Variants in SNTG1 observed in about 807,000 individuals in gnomAD.
The protein encoded by SNTG1 is gamma-1-syntrophin.
Under a neutral mutation model 74.7 loss-of-function variants are expected in SNTG1, and 39 were observed. The observed-to-expected ratio is 0.52, with a 90% CI of 0.40 to 0.68. The LOEUF (loss-of-function observed/expected upper bound fraction) is 0.68, where lower values mean the gene tolerates loss of function less well. Ranked by LOEUF, SNTG1 falls within the 30% of genes least tolerant of loss-of-function variation. SNTG1 has a pLI of 0.00. For synonymous variants in SNTG1, 254 were observed against 217.1 expected (o/e 1.17, Z -1.49); for missense variants, 685 against 609.5 (o/e 1.12, Z -1.30).
At chr8:50,243,168 CCTG>C (rs1298692979) in intron 2 of SNTG1, among the ~76,000 whole-genome samples, 3 of 26,024 alleles carry the variant, frequency 1.2e-4, no homozygotes, top group Non-Finnish European at 1.1e-3. Context: ...ATAAATGAGT[CCTG>C]AATTATCTTA....
At chr8:50,634,800 C>T (rs1324859482) in intron 13 of SNTG1, among the ~76,000 whole-genome samples, 1 of 152,166 alleles carries the variant, frequency 6.6e-6, no homozygotes, top group Non-Finnish European at 1.5e-5. Flanking sequence ...GCAGCCCCAC[C>T]CTAATACCTT....
At chr8:50,597,382 CATATATACATATATACAT>C (rs2094737217) in intron 13 of SNTG1, among the ~76,000 whole-genome samples, 1 of 92,696 alleles carries the variant, frequency 1.1e-5, no homozygotes, top group Non-Finnish European at 1.8e-5. Context: ...TATATATACA[CATATATACATATATACAT>C]ATATACATAT....
intron 1 of SNTG1, among the ~76,000 whole-genome samples, chr8:50,109,764 C>G (rs75809159): frequency 1.1e-3 from 170 of 152,190 alleles, no homozygotes; most frequent in African/African-American, 4.0e-3. Flanking sequence ...AAATTGAGAA[C>G]AGAGAGTTTA....
chr8:50,366,779 A>G (rs1210097110), intron 2 of SNTG1, among the ~76,000 whole-genome samples: 3 of 146,326 alleles, frequency 2.1e-5, no homozygotes, highest in Non-Finnish European at 4.5e-5. Context: ...TTAAGAACCA[A>G]TATGGAAGAT....
chr8:50,149,717 T>C (rs912276047), intron 1 of SNTG1, among the ~76,000 whole-genome samples: 4 of 152,234 alleles, frequency 2.6e-5, no homozygotes, highest in Admixed American at 6.5e-5. Flanking sequence ...TGTGGCATTA[T>C]TTCTGAGGGC....
chr8:50,786,818 A>G (rs1022411661), intron 18 of SNTG1, among the ~76,000 whole-genome samples: 2 of 152,044 alleles, frequency 1.3e-5, no homozygotes, highest in African/African-American at 4.8e-5. Flanking sequence ...TCCTTTCCTC[A>G]TACCATAAAA....
intron 1 of SNTG1, among the ~76,000 whole-genome samples, chr8:50,091,948 T>C (rs2079754743): frequency 6.6e-6 from 1 of 152,002 alleles, no homozygotes; most frequent in Non-Finnish European, 1.5e-5. Context: ...AATGACAAAA[T>C]ATAAAATCTG....
chr8:50,181,336 G>T (rs2083198370), intron 2 of SNTG1, among the ~76,000 whole-genome samples: 1 of 152,088 alleles, frequency 6.6e-6, no homozygotes, highest in African/African-American at 2.4e-5. Context: ...TTTCCTAATG[G>T]AGTTTATCAT....
chr8:49,915,555 A>T (rs1805953767), intron 1 of SNTG1, among the ~76,000 whole-genome samples: 1 of 152,210 alleles, frequency 6.6e-6, no homozygotes, highest in African/African-American at 2.4e-5. Flanking sequence ...CTGACACCAC[A>T]TTCTATATCA....
At chr8:50,001,257 T>C (rs1814711656) in intron 1 of SNTG1, among the ~76,000 whole-genome samples, 1 of 152,096 alleles carries the variant, frequency 6.6e-6, no homozygotes, top group Non-Finnish European at 1.5e-5. Context: ...CTTATTGAAG[T>C]TGGATTCCCA....
intron 2 of SNTG1, among the ~76,000 whole-genome samples, chr8:50,304,023 T>G (rs759987154): frequency 6.6e-6 from 1 of 152,192 alleles, no homozygotes; most frequent in Non-Finnish European, 1.5e-5. Flanking sequence ...TCTGTGCTAT[T>G]GTTTCAATGT....
At chr8:50,669,698 A>G (rs2095269479) in intron 15 of SNTG1, among the ~76,000 whole-genome samples, 1 of 152,212 alleles carries the variant, frequency 6.6e-6, no homozygotes, top group Non-Finnish European at 1.5e-5. Flanking sequence ...TTATGAGGCC[A>G]GCATCATCCT....
intron 15 of SNTG1, among the ~76,000 whole-genome samples, chr8:50,672,209 AT>A (rs1406758184): frequency 2.6e-5 from 4 of 151,986 alleles, no homozygotes; most frequent in Admixed American, 1.3e-4. Context: ...ATAAAAAAAA[AT>A]GTCTGGATCA....
chr8:50,754,150 G>A (rs777352398), intron 18 of SNTG1, among the ~76,000 whole-genome samples: 45 of 151,924 alleles, frequency 3.0e-4, no homozygotes, highest in Non-Finnish European at 5.6e-4. Context: ...CAAAACAATC[G>A]TAGTGTAGAT....
intron 2 of SNTG1, among the ~76,000 whole-genome samples, chr8:50,206,366 G>C (rs2084237796): frequency 6.6e-6 from 1 of 152,100 alleles, no homozygotes; most frequent in South Asian, 2.1e-4. Flanking sequence ...TTGGCTCTCT[G>C]TTTGTCTGTT....
At chr8:50,074,742 G>C (rs759055324) in intron 1 of SNTG1, among the ~76,000 whole-genome samples, 2 of 152,180 alleles carry the variant, frequency 1.3e-5, no homozygotes, top group African/African-American at 2.4e-5. Context: ...CCTTGGCCTA[G>C]GTGCCCACTC....
At chr8:49,920,352 T>TC (rs1215990543) in intron 1 of SNTG1, among the ~76,000 whole-genome samples, 1 of 152,050 alleles carries the variant, frequency 6.6e-6, no homozygotes, top group East Asian at 1.9e-4. Context: ...GCTGACTTTT[T>TC]CATTCCTGTT....
At chr8:50,273,826 A>T (rs1175351609) in intron 2 of SNTG1, among the ~76,000 whole-genome samples, 3 of 152,070 alleles carry the variant, frequency 2.0e-5, no homozygotes, top group Admixed American at 6.6e-5. Flanking sequence ...AAAGAGGGAG[A>T]AGAGTGATGA....
chr8:50,041,619 C>G (rs1416978788), intron 1 of SNTG1, among the ~76,000 whole-genome samples: 1 of 152,056 alleles, frequency 6.6e-6, no homozygotes, highest in African/African-American at 2.4e-5. Flanking sequence ...ACAATTTATA[C>G]CTTCTTTTAT....
Sources: allele counts gnomAD v4.1 joint callset (sites outside exome capture counted in the v4.1 genomes callset), GRCh38; gene constraint gnomAD v4.1.1; transcripts MANE v1.5; gene names NCBI Gene and HGNC (gene_info 2026-07-23, HGNC 2026-07-21).